The following TRABD2B variants were observed in gnomAD, a reference collection of about 807,000 sequenced individuals.
The protein encoded by TRABD2B is TraB domain containing 2B.
A neutral mutation model predicts 40.1 loss-of-function variants in TRABD2B; 14 were observed. The ratio of observed to expected loss-of-function variants is 0.35; its 90% CI spans 0.23 to 0.55. The LOEUF is 0.55. Ranked by LOEUF, TRABD2B falls within the 20% of genes least tolerant of loss-of-function variation. The probability of loss-of-function intolerance (pLI) is 0.90; values close to 1 mark genes in which losing one functional copy is unlikely to be tolerated. For synonymous variants in TRABD2B, 263 were observed against 277.0 expected (o/e 0.95, Z 0.50); for missense variants, 541 against 648.6 (o/e 0.83, Z 1.80).
rs181281493 is a variant in TRABD2B at position 47,943,378 on chromosome 1, C to T, written c.666+50656G>A. 1.3e-3 allele frequency among the ~76,000 whole-genome samples: 195 copies of T among 152,302 alleles called. 1 individual carries two copies. Among genetic ancestry groups the T allele is most frequent in the African/African-American group, 4.5e-3 (189 of 41,564 alleles). On this transcript the variant is annotated intron_variant, in intron 2 of 6. Coordinates refer to ENST00000606738, the MANE Select transcript of TRABD2B (RefSeq NM_001194986.2). ...CCCATTATTACAAGTCAATATTGTG[C>T]ACTTTCAGCCTTCATGGAGAAAGGA...
chr1:47,959,296 A>T (rs1645473980), intron 2 of TRABD2B, among the ~76,000 whole-genome samples: 1 of 152,206 alleles, frequency 6.6e-6, no homozygotes, highest in Non-Finnish European at 1.5e-5. Flanking sequence ...CATCACAATT[A>T]AAAGAACTAG....
intron 2 of TRABD2B, among the ~76,000 whole-genome samples, chr1:47,884,333 G>A (rs765692376): frequency 5.3e-5 from 8 of 152,250 alleles, no homozygotes; most frequent in Non-Finnish European, 8.8e-5. Context: ...GTTCTGGACA[G>A]TGGCTGGTCT....
intron 2 of TRABD2B, among the ~76,000 whole-genome samples, chr1:47,929,828 C>T (rs1645016337): frequency 1.3e-5 from 2 of 152,198 alleles, no homozygotes; most frequent in South Asian, 2.1e-4. Flanking sequence ...TCTTCACCTC[C>T]AGGCTTTCCC....
rs1334865428 is a variant in TRABD2B, at chr1:47,813,149, C to T, written c.667-11530G>A. 1.3e-5 allele frequency among the ~76,000 whole-genome samples: 2 copies of T among 152,210 alleles called. No homozygotes were observed. Among genetic ancestry groups the T allele is most frequent in the African/African-American group, 4.8e-5 (2 of 41,452 alleles). On this transcript the variant is annotated intron_variant, in intron 2 of 6. Transcript: ENST00000606738. The surrounding 1 kb of genome is among the most constrained non-coding windows in gnomAD (Gnocchi z 4.3). ...ACACAGCTGCCTAAACTTCAAAAGG[C>T]AAGTCTCCATTTTCATTTGCAAAAT...
In TRABD2B at chr1:47,979,214, AC is replaced by A; in HGVS notation, c.666+14819del. On this transcript the variant is annotated intron_variant, in intron 2 of 6. Coordinates refer to ENST00000606738, the MANE Select transcript of TRABD2B (RefSeq NM_001194986.2). ...GCGGGAAGGGGGCTTCCTGTTTTCT[AC>A]CAGGATACTCAGGCGATGATGTGTA... Among the ~76,000 whole-genome samples the A allele has an allele frequency of 1.3e-5, 2 of 152,218 alleles. 1 individual carries two copies. The highest frequency in any genetic ancestry group is 6.8e-3 in the Middle Eastern group (2 of 294).
intron 2 of TRABD2B, among the ~76,000 whole-genome samples, chr1:47,898,579 C>A (rs183997433): frequency 6.6e-6 from 1 of 152,166 alleles, no homozygotes; most frequent in Non-Finnish European, 1.5e-5. Context: ...GATGGTCATA[C>A]GAGCTCTAAC....
At chr1:47,783,703 C>T (rs1644556870) in intron 4 of TRABD2B, among the ~76,000 whole-genome samples, 1 of 152,194 alleles carries the variant, frequency 6.6e-6, no homozygotes, top group African/African-American at 2.4e-5. Flanking sequence ...GAAAAAGACT[C>T]CCTTTCTCCT....
intron 2 of TRABD2B, among the ~76,000 whole-genome samples, chr1:47,873,179 G>A (rs1253855147): frequency 6.6e-5 from 10 of 152,064 alleles, no homozygotes; most frequent in Non-Finnish European, 1.5e-4. Flanking sequence ...TGACCTAATT[G>A]CCTCCCAAAG....
chr1:47,882,942 C>T (rs181265254), intron 2 of TRABD2B, among the ~76,000 whole-genome samples: 3 of 152,212 alleles, frequency 2.0e-5, no homozygotes, highest in East Asian at 3.9e-4. Flanking sequence ...CCACAACCCC[C>T]GGCAGGTCTC....
intron 2 of TRABD2B, among the ~76,000 whole-genome samples, chr1:47,979,119 G>A (rs1378355833): frequency 6.6e-6 from 1 of 152,200 alleles, no homozygotes; most frequent in African/African-American, 2.4e-5. Context: ...AAGGACTGCC[G>A]TGGGAAGTGG....
intron 2 of TRABD2B, among the ~76,000 whole-genome samples, chr1:47,810,778 G>T (rs982844535): frequency 1.3e-5 from 2 of 152,380 alleles, no homozygotes; most frequent in East Asian, 3.9e-4. Context: ...AAGAGAGGGA[G>T]CAGGGATCTG....
intron 2 of TRABD2B, among the ~76,000 whole-genome samples, chr1:47,944,362 A>G (rs1645230334): frequency 6.6e-6 from 1 of 152,214 alleles, no homozygotes; most frequent in Admixed American, 6.5e-5. Context: ...GAGCCAGTGG[A>G]GAATGAAGTA....
chr1:47,807,930 G>A (rs1387464754), intron 2 of TRABD2B, among the ~76,000 whole-genome samples: 3 of 152,108 alleles, frequency 2.0e-5, no homozygotes, highest in Non-Finnish European at 4.4e-5. Context: ...GATGTGTATG[G>A]GAGCCCAACT....
intron 6 of TRABD2B, among the ~76,000 whole-genome samples, chr1:47,771,934 C>A (rs961051236): frequency 1.1e-4 from 16 of 152,182 alleles, no homozygotes; most frequent in African/African-American, 3.6e-4. Flanking sequence ...TCACTCCCTC[C>A]TTCTCACACT....
At chr1:47,830,410 A>C (rs1171550563) in intron 2 of TRABD2B, among the ~76,000 whole-genome samples, 1 of 152,266 alleles carries the variant, frequency 6.6e-6, no homozygotes, top group Admixed American at 6.5e-5. Flanking sequence ...TGACTTCGTA[A>C]GTTCACTTGC....
At chr1:47,791,551 G>A (rs753165526) in intron 4 of TRABD2B, among the ~76,000 whole-genome samples, 6 of 152,156 alleles carry the variant, frequency 3.9e-5, no homozygotes, top group Non-Finnish European at 7.3e-5. Context: ...TGGGCTGCGA[G>A]AGCCCACTGA....
chr1:47,879,471 C>T (rs1476967814), intron 2 of TRABD2B, among the ~76,000 whole-genome samples: 3 of 152,150 alleles, frequency 2.0e-5, no homozygotes, highest in Non-Finnish European at 2.9e-5. Context: ...TATCAGACAG[C>T]CTAGGTGTGT....
At chr1:47,889,234 G>A (rs1346079468) in intron 2 of TRABD2B, among the ~76,000 whole-genome samples, 2 of 152,328 alleles carry the variant, frequency 1.3e-5, no homozygotes, top group Admixed American at 6.5e-5. Context: ...AAGCTGCCCA[G>A]AATGGGAGGT....
chr1:47,902,992 T>C (rs1644623244), intron 2 of TRABD2B, among the ~76,000 whole-genome samples: 1 of 152,196 alleles, frequency 6.6e-6, no homozygotes, highest in South Asian at 2.1e-4. Context: ...TCACAGCCCC[T>C]TCTGCCTGGA....
Sources: allele counts gnomAD v4.1 joint callset (sites outside exome capture counted in the v4.1 genomes callset), GRCh38; gene constraint gnomAD v4.1.1; non-coding constraint Gnocchi (gnomAD v3.1); transcripts MANE v1.5; gene names NCBI Gene and HGNC (gene_info 2026-07-23, HGNC 2026-07-21).